CHERP: variants seen among roughly 807,000 people sequenced by gnomAD.
CHERP encodes calcium homeostasis endoplasmic reticulum protein.
CHERP carries 8 observed loss-of-function variants against 113.8 expected under a neutral mutation model. That is an observed-to-expected ratio of 0.07 (90% CI 0.04 to 0.13). CHERP has a LOEUF of 0.13. CHERP is among the 10% of genes least tolerant of loss of function. CHERP has a pLI of 1.00. For missense variants in CHERP, 884 were observed against 1,298.2 expected, an observed-to-expected ratio of 0.68 and a Z score of 4.90; for synonymous variants, 559 against 524.5, an observed-to-expected ratio of 1.07 and a Z score of -0.90.
At chr19:16,523,000 G>A (rs914667769) in intron 11 of CHERP, 52 bp downstream of exon 11, 24 of 1,473,190 alleles carry the variant, frequency 1.6e-5, no homozygotes, top group Middle Eastern at 1.8e-4. Context: ...AAGGAGAAAC[G>A]GGGACCAGTA....
At chr19:16,534,500 TG>T (rs879443288) in intron 3 of CHERP, among the ~76,000 whole-genome samples, 4 of 151,888 alleles carry the variant, frequency 2.6e-5, no homozygotes, top group Non-Finnish European at 5.9e-5. Context: ...TTTCTGAGAC[TG>T]AGTCTTGCTC....
intron 2 of CHERP, among the ~76,000 whole-genome samples, chr19:16,538,503 T>C (rs1020189323): frequency 6.6e-6 from 1 of 152,114 alleles, no homozygotes; most frequent in Non-Finnish European, 1.5e-5. Flanking sequence ...GCCAACATGG[T>C]GAAACCACAT....
intron 11 of CHERP, among the ~76,000 whole-genome samples, chr19:16,522,419 T>C (rs574979357): frequency 6.6e-6 from 1 of 152,162 alleles, no homozygotes; most frequent in African/African-American, 2.4e-5. Flanking sequence ...CCACCACGCC[T>C]GGCTAATTTT....
At chr19:16,539,285 C>T (rs1200268377) in intron 2 of CHERP, among the ~76,000 whole-genome samples, 1 of 151,010 alleles carries the variant, frequency 6.6e-6, no homozygotes, top group African/African-American at 2.4e-5. Context: ...GTAGCTGGGA[C>T]TACAGGCGCC....
chr19:16,536,355 C>T (rs989977515), intron 2 of CHERP, among the ~76,000 whole-genome samples: 6 of 152,146 alleles, frequency 3.9e-5, no homozygotes, highest in Admixed American at 2.6e-4. Flanking sequence ...GGAAGGGACC[C>T]GGCTCATAAG....
chr19:16,533,213 C>G (rs1259270637), intron 3 of CHERP, 65 bp from the exon 4 acceptor site: 1 of 1,513,220 alleles, frequency 6.6e-7, no homozygotes, highest in Non-Finnish European at 8.9e-7. Flanking sequence ...AGCCCTCCGG[C>G]CTGGCTCAGC....
chr19:16,542,367 C>G lies in CHERP; in HGVS notation c.12G>C (p.Pro4=), dbSNP rs1022445204. 2.2e-6 allele frequency: 3 copies of G among 1,389,614 alleles called. No individual in the cohort carries two copies. The African/African-American group carries it at 4.5e-5, about 21-fold the overall frequency. 86.1% of individuals were successfully genotyped at this position (1,389,614 alleles called of 1,614,324 possible). A position where few individuals can be genotyped will look rare whatever the true frequency, so the allele number is the denominator to read the frequency against. Residue 4 remains proline, a synonymous_variant, in exon 1 of 17, where the codon CCG becomes CCC. Transcript: ENST00000546361. MEM[P]LPPDDQELRN... Reference sequence around the variant, plus strand: ...TTTGGGTCTCACCATCGGGGGGCAGCGGCATCTCCATGGCTCCGGCCGCGG... The same window carrying G: ...TTTGGGTCTCACCATCGGGGGGCAGGGGCATCTCCATGGCTCCGGCCGCGG...
At position 16,520,567 on chromosome 19, in the gene CHERP, T is replaced by C. The variant is rs1599745299; in HGVS notation, c.2202-60A>G. On this transcript the variant is annotated intron_variant, in intron 13 of 16. Coordinates refer to ENST00000546361, the MANE Select transcript of CHERP (RefSeq NM_006387.6). The surrounding 1 kb of genome is among the most constrained non-coding windows in gnomAD (Gnocchi z 4.0). ...TGGATGGGCTGCACCCAGCCCACCC[T>C]GGCCCTCAGGTTCCTAGACCACCCC... 2 of 1,561,282 alleles carry C rather than the reference T, an allele frequency of 1.3e-6. No individual in the cohort carries two copies. Among genetic ancestry groups the C allele is most frequent in the Admixed American group, 1.8e-5 (1 of 54,834 alleles).
rs2085576408 is a variant in CHERP at position 16,518,874 on chromosome 19, CG to C, written c.*284del. ...TTCGTGGCTGAAGAATTTACTCGGG[CG>C]GAGGGTCTTGTGTTTTTTGCTTCGC... On this transcript the variant is annotated 3_prime_UTR_variant, in exon 17 of 17. Coordinates refer to ENST00000546361, the MANE Select transcript of CHERP (RefSeq NM_006387.6). The C allele has an allele frequency of 1.1e-5, 5 of 440,810 alleles. No homozygotes were observed. The highest frequency in any genetic ancestry group is 5.2e-5 in the South Asian group (2 of 38,556). The allele number at this position is 440,810 out of a possible 1,614,324, so 27.3% of individuals were successfully genotyped here. A position where few individuals can be genotyped will look rare whatever the true frequency, so the allele number is the denominator to read the frequency against.
rs2085709443 is a variant in CHERP at position 16,532,094 on chromosome 19, G to A, written c.674+504C>T. On this transcript the variant is annotated intron_variant, in intron 5 of 16. Coordinates refer to ENST00000546361, the MANE Select transcript of CHERP (RefSeq NM_006387.6). The surrounding 1 kb of genome is among the most constrained non-coding windows in gnomAD (Gnocchi z 4.4). ...AGGGTGAGGGCTGGGTGGGGACAGAGGGTCGGCAGATGTGGCTCTGTTGAA... is the reference window on the plus strand; with the variant it reads ...AGGGTGAGGGCTGGGTGGGGACAGAAGGTCGGCAGATGTGGCTCTGTTGAA... 1 of 153,924 alleles carries A rather than the reference G, an allele frequency of 6.5e-6. No homozygotes were observed. The highest frequency in any genetic ancestry group is 1.4e-5 in the Non-Finnish European group (1 of 69,212). The allele number at this position is 153,924 out of a possible 1,614,324, so 9.5% of individuals were successfully genotyped here. A position where few individuals can be genotyped will look rare whatever the true frequency, so the allele number is the denominator to read the frequency against.
intron 2 of CHERP, among the ~76,000 whole-genome samples, chr19:16,537,133 C>T (rs1039784171): frequency 6.6e-5 from 10 of 152,130 alleles, no homozygotes; most frequent in Admixed American, 3.3e-4. Context: ...ATCTTCACCT[C>T]CCCTTTATCT....
At position 16,535,533 on chromosome 19, in the gene CHERP, G is replaced by A. The variant is rs756396662; in HGVS notation, c.303C>T (p.Gly101=). 2.5e-5 allele frequency: 40 copies of A among 1,600,124 alleles called. No individual in the cohort carries two copies. Among genetic ancestry groups the A allele is most frequent in the East Asian group, 6.8e-5 (3 of 44,154 alleles). ...GGATGAGCTCGTCCATGGATGGCGC[G>A]CCCTGGGCCGGCGGGATGGGCGCGG... The part of the protein sequence containing the change: ...APAAPIPPAQ[G]APSMDELIQQ... Residue 101 remains glycine (G), a synonymous_variant, in exon 3 of 17, where the codon GGC becomes GGT. Coordinates refer to ENST00000546361, the MANE Select transcript of CHERP (RefSeq NM_006387.6). This position sits in a 1 kb window ranked among gnomAD's most constrained non-coding sequence, Gnocchi z 4.3.
chr19:16,524,769 G>T (rs866803929), intron 10 of CHERP, among the ~76,000 whole-genome samples: 75 of 142,162 alleles, frequency 5.3e-4, no homozygotes, highest in South Asian at 4.8e-3. Context: ...GTAGTTTTTT[G>T]TTTTTTTTTT....
At position 16,529,786 on chromosome 19, in the gene CHERP, G is replaced by GCTC; in HGVS notation, c.990_991insGAG (p.Gln330_Gln331insGlu). ...TGCTGCTGTTGCTGCTGCTGCTGCT[G>GCTC]CTGGGCCAGGCTGGTGACAAACTCC... is the stretch of plus-strand genomic sequence containing the variant. On this transcript the variant is annotated inframe_insertion, in exon 8 of 17. Transcript: ENST00000546361. The GCTC allele has an allele frequency of 6.2e-7, 1 of 1,613,354 alleles. No individual in the cohort carries two copies. The highest frequency in any genetic ancestry group is 2.2e-5 in the East Asian group (1 of 44,882).
At chr19:16,534,211 C>T (rs1164536968) in intron 3 of CHERP, among the ~76,000 whole-genome samples, 3 of 152,138 alleles carry the variant, frequency 2.0e-5, no homozygotes, top group Admixed American at 2.0e-4. Flanking sequence ...TCACTGCACC[C>T]AGCTAATTTT....
In CHERP at chr19:16,535,576, T is replaced by C. The variant is rs1172535436; in HGVS notation, c.260A>G (p.Gln87Arg). 1 of 1,562,676 alleles carries C rather than the reference T, an allele frequency of 6.4e-7. No homozygotes were observed. The highest frequency in any genetic ancestry group is 8.7e-7 in the Non-Finnish European group (1 of 1,155,028). ...EPAATMPPLPQPPLAPAAPIP... is the reference protein window; with the variant it reads ...EPAATMPPLPRPPLAPAAPIP... ...GGGCGCGGCGGGGGCCAGCGGGGGC[T>C]GTGGCAGGGGTGGCATGGTGGCGGC... Residue 87 changes from glutamine to arginine, a missense_variant, in exon 3 of 17, where the codon CAG (glutamine) becomes CGG (arginine). Coordinates refer to ENST00000546361, the MANE Select transcript of CHERP (RefSeq NM_006387.6). The surrounding 1 kb of genome is among the most constrained non-coding windows in gnomAD (Gnocchi z 4.3).
intron 11 of CHERP, among the ~76,000 whole-genome samples, chr19:16,522,646 TC>T (rs2085627380): frequency 1.3e-5 from 2 of 152,204 alleles, no homozygotes; most frequent in East Asian, 3.9e-4. Context: ...GCCCGGCTTC[TC>T]CAGGGCCACC....
At chr19:16,542,190 GC>G (rs1458703401) in intron 1 of CHERP, 147 bp from the exon 2 acceptor site, 26 of 1,084,210 alleles carry the variant, frequency 2.4e-5, no homozygotes, top group Non-Finnish European at 3.2e-5. Flanking sequence ...CCCGATAGGG[GC>G]CACACGCTCG....
At chr19:16,521,683 T>C (rs2085616913) in intron 11 of CHERP, 29 bp from the exon 12 acceptor site, 1 of 1,534,866 alleles carries the variant, frequency 6.5e-7, no homozygotes, top group Non-Finnish European at 8.8e-7. Context: ...GCTGTCACCA[T>C]GCCTGGGCAG....
Sources: allele counts gnomAD v4.1 joint callset (sites outside exome capture counted in the v4.1 genomes callset), GRCh38; gene constraint gnomAD v4.1.1; non-coding constraint Gnocchi (gnomAD v3.1); transcripts MANE v1.5; gene names NCBI Gene and HGNC (gene_info 2026-07-23, HGNC 2026-07-21).